ENOX1: variants seen among roughly 807,000 people sequenced by gnomAD.
The protein encoded by ENOX1 is ecto-NOX disulfide-thiol exchanger 1.
A neutral mutation model predicts 82.5 loss-of-function variants in ENOX1; 42 were observed. That is an observed-to-expected ratio of 0.51 (90% CI 0.40 to 0.66). The LOEUF (loss-of-function observed/expected upper bound fraction) is 0.66. Among genes scored for constraint, ENOX1 ranks in the 30% least tolerant of loss-of-function variants. The pLI, the probability that ENOX1 is intolerant of heterozygous loss-of-function variation, is 0.00. For missense variants in ENOX1, 608 were observed against 811.6 expected (o/e 0.75, Z 3.05); for synonymous variants, 271 against 282.2 (o/e 0.96, Z 0.40).
intron 5 of ENOX1, among the ~76,000 whole-genome samples, chr13:43,376,636 A>T (rs1358522130): frequency 6.6e-6 from 1 of 152,230 alleles, no homozygotes; most frequent in Non-Finnish European, 1.5e-5. Context: ...TATATGACTG[A>T]CACAGTCACA....
chr13:43,299,607 G>A (rs1016321806), intron 11 of ENOX1, among the ~76,000 whole-genome samples: 1 of 152,078 alleles, frequency 6.6e-6, no homozygotes, highest in Non-Finnish European at 1.5e-5. Context: ...CTCTGCTCTC[G>A]ATTACCATCG....
chr13:43,383,641 C>G lies in ENOX1; in HGVS notation c.209-22189G>C, dbSNP rs562578248. On this transcript the variant is annotated intron_variant, in intron 5 of 16. Transcript: ENST00000690772. ...GCGACAGACCCCATGGTACTCTCCA[C>G]AAAGACTTCCCTCATGGCCTCCTGC... Among the ~76,000 whole-genome samples the G allele has an allele frequency of 6.3e-4, 96 of 152,312 alleles. 1 individual carries two copies. In the South Asian group the frequency reaches 0.019, roughly 31 times the overall value.
At chr13:43,695,070 T>G (rs1472768997) in intron 1 of ENOX1, among the ~76,000 whole-genome samples, 1 of 152,092 alleles carries the variant, frequency 6.6e-6, no homozygotes, top group Non-Finnish European at 1.5e-5. Context: ...CACTTCAAGA[T>G]CCTGCAAGGC....
At chr13:43,455,580 A>G (rs1387686673) in intron 3 of ENOX1, among the ~76,000 whole-genome samples, 1 of 151,808 alleles carries the variant, frequency 6.6e-6, no homozygotes, top group East Asian at 1.9e-4. Context: ...AAAATATGGA[A>G]CCTCATGGAT....
chr13:43,766,604 G>T (rs1163446629), intron 1 of ENOX1, among the ~76,000 whole-genome samples: 1 of 152,100 alleles, frequency 6.6e-6, no homozygotes, highest in Non-Finnish European at 1.5e-5. Context: ...TGTATTCAGG[G>T]AACGGTTATG....
chr13:43,577,389 C>T (rs2080486991), intron 2 of ENOX1, among the ~76,000 whole-genome samples: 2 of 152,150 alleles, frequency 1.3e-5, no homozygotes, highest in Admixed American at 6.5e-5. Context: ...GCCTTAGCCT[C>T]CCAAAGTGCT....
At chr13:43,236,505 C>G (rs2042558582) in intron 15 of ENOX1, 131 bp downstream of exon 15, 1 of 566,832 alleles carries the variant, frequency 1.8e-6, no homozygotes, top group Non-Finnish European at 2.9e-6. Context: ...GTAATATAAT[C>G]TTGATGAAAT....
intron 1 of ENOX1, among the ~76,000 whole-genome samples, chr13:43,720,733 T>C (rs950094886): frequency 2.0e-4 from 30 of 152,248 alleles, no homozygotes; most frequent in Non-Finnish European, 7.3e-5. Context: ...CATTCCTTTC[T>C]ACCTTATTTG....
intron 5 of ENOX1, among the ~76,000 whole-genome samples, chr13:43,381,587 A>T (rs1195381229): frequency 2.0e-5 from 3 of 151,774 alleles, no homozygotes; most frequent in African/African-American, 7.2e-5. Flanking sequence ...AATGAAACCA[A>T]ATGCTAGTTC....
chr13:43,497,136 T>C (rs1220272981), intron 2 of ENOX1, among the ~76,000 whole-genome samples: 1 of 152,174 alleles, frequency 6.6e-6, no homozygotes, highest in South Asian at 2.1e-4. Flanking sequence ...CAAGAGATTT[T>C]TGCTAAGTTC....
At chr13:43,777,312 T>C (rs1226486750) in intron 1 of ENOX1, among the ~76,000 whole-genome samples, 6 of 152,066 alleles carry the variant, frequency 3.9e-5, no homozygotes, top group Non-Finnish European at 8.8e-5. Flanking sequence ...TAAGAAAAAT[T>C]CTACACTAAA....
intron 3 of ENOX1, among the ~76,000 whole-genome samples, chr13:43,429,694 A>T (rs1012927548): frequency 1.3e-5 from 2 of 152,190 alleles, no homozygotes; most frequent in East Asian, 3.9e-4. Flanking sequence ...CATGTTAGGA[A>T]GGGCAGCAAG....
At position 43,359,882 on chromosome 13, in the gene ENOX1, T is replaced by C. The variant is rs761139097; in HGVS notation, c.558A>G (p.Glu186=). 1 of 1,614,216 alleles carries C rather than the reference T, an allele frequency of 6.2e-7. No individual in the cohort carries two copies. The highest frequency in any genetic ancestry group is 8.5e-7 in the Non-Finnish European group (1 of 1,180,016). The change falls in exon 7 of 17, where the codon GAA becomes GAG. Residue 186 remains glutamate (E), a synonymous_variant. Coordinates refer to ENST00000690772, the MANE Select transcript of ENOX1 (RefSeq NM_001347969.2). The part of the protein sequence containing the change: ...KNFCHIRFAE[E]FMVDKAIYLS... ...GGTAAATGGCTTTATCAACCATGAATTCCTCTGCAAAGCGAATGTGACAAA... is the reference window on the plus strand; with the variant it reads ...GGTAAATGGCTTTATCAACCATGAACTCCTCTGCAAAGCGAATGTGACAAA...
chr13:43,482,219 GC>G (rs1201450037), intron 3 of ENOX1, among the ~76,000 whole-genome samples: 1 of 152,202 alleles, frequency 6.6e-6, no homozygotes, highest in Non-Finnish European at 1.5e-5. Context: ...ATTCGCAATA[GC>G]TAGGATGTGG....
In ENOX1 at chr13:43,470,348, ATATATGTATATATATACG is replaced by A. The variant is rs1566307009; in HGVS notation, c.-75+13643_-75+13660del. Among the ~76,000 whole-genome samples the A allele has an allele frequency of 1.1e-4, 5 of 44,714 alleles. 1 individual carries two copies. The East Asian group carries it at 0.016, about 142-fold the overall frequency. 29.3% of individuals were successfully genotyped at this position (44,714 alleles called of 152,430 possible). On this transcript the variant is annotated intron_variant, in intron 3 of 16. Coordinates refer to ENST00000690772, the MANE Select transcript of ENOX1 (RefSeq NM_001347969.2). ...TATATATGTATATATATACGTATAT[ATATATGTATATATATACG>A]TATATATATACATATATATACGTAT...
chr13:43,536,210 T>TA (rs1566475091), intron 2 of ENOX1, among the ~76,000 whole-genome samples: 1 of 152,212 alleles, frequency 6.6e-6, no homozygotes, highest in Non-Finnish European at 1.5e-5. Flanking sequence ...ATCATTTACT[T>TA]AAACTAGAAA....
intron 2 of ENOX1, among the ~76,000 whole-genome samples, chr13:43,640,236 G>A (rs772883176): frequency 6.6e-6 from 1 of 152,094 alleles, no homozygotes; most frequent in South Asian, 2.1e-4. Context: ...ATTGAAAAAT[G>A]TAATCTTTCT....
intron 14 of ENOX1, among the ~76,000 whole-genome samples, chr13:43,241,830 T>C (rs1197470729): frequency 6.6e-6 from 1 of 152,212 alleles, no homozygotes; most frequent in Non-Finnish European, 1.5e-5. Flanking sequence ...CTTTGAGAAA[T>C]GATCAAAGTA....
chr13:43,542,302 C>T (rs773822647), intron 2 of ENOX1, among the ~76,000 whole-genome samples: 26 of 151,868 alleles, frequency 1.7e-4, no homozygotes, highest in Non-Finnish European at 2.2e-4. Flanking sequence ...ACCACAGCCC[C>T]GGCTAATTTT....
Sources: gnomAD v4.1 joint callset for allele counts (sites outside exome capture counted in the v4.1 genomes callset) on GRCh38, gnomAD v4.1.1 for gene constraint, MANE v1.5 for transcripts, NCBI Gene and HGNC (gene_info 2026-07-23, HGNC 2026-07-21) for gene names.